Variants in EPB41L2 observed in about 807,000 individuals in gnomAD.
EPB41L2 encodes band 4.1-like protein 2.
In EPB41L2, 43 loss-of-function variants were observed where a neutral mutation model predicts 113.0. The ratio of observed to expected loss-of-function variants is 0.38; its 90% CI spans 0.30 to 0.49. The LOEUF (loss-of-function observed/expected upper bound fraction) is 0.49, where lower values mean the gene tolerates loss of function less well. Among genes scored for constraint, EPB41L2 ranks in the 20% least tolerant of loss-of-function variants. The pLI, the probability that EPB41L2 is intolerant of heterozygous loss-of-function variation, is 0.95. For synonymous variants in EPB41L2, 442 were observed against 436.7 expected (o/e 1.01, Z -0.15); for missense variants, 1,147 against 1,223.4 (o/e 0.94, Z 0.93).
At chr6:130,869,456 C>G (rs1329364318) in intron 15 of EPB41L2, 107 bp downstream of exon 15, 1 of 1,041,836 alleles carries the variant, frequency 9.6e-7, no homozygotes, top group Admixed American at 2.7e-5. Context: ...AAATCAGATT[C>G]TTGTTGAAAA....
At chr6:130,884,908 T>C (rs1038500324) in intron 12 of EPB41L2, among the ~76,000 whole-genome samples, 188 bp downstream of exon 12, 1 of 152,228 alleles carries the variant, frequency 6.6e-6, no homozygotes. Flanking sequence ...ATAACTTACA[T>C]TGAAATATTC....
At chr6:131,026,110 G>T (rs914213030) in intron 1 of EPB41L2, among the ~76,000 whole-genome samples, 1 of 152,206 alleles carries the variant, frequency 6.6e-6, no homozygotes, top group African/African-American at 2.4e-5. Flanking sequence ...TAGGAACTTA[G>T]TCCCTTCTAG....
intron 18 of EPB41L2, among the ~76,000 whole-genome samples, chr6:130,863,164 C>T (rs1782688897): frequency 6.6e-6 from 1 of 152,124 alleles, no homozygotes; most frequent in Admixed American, 6.5e-5. Context: ...CTTGTATTAC[C>T]TCCCCTCCCC....
intron 1 of EPB41L2, among the ~76,000 whole-genome samples, chr6:131,036,444 T>TA (rs1434403407): frequency 1.1e-4 from 16 of 151,790 alleles, no homozygotes; most frequent in East Asian, 5.8e-4. Flanking sequence ...ACGGATGTAA[T>TA]AAAAAAACAG....
chr6:130,889,184 T>C (rs1791994151), intron 11 of EPB41L2, among the ~76,000 whole-genome samples: 1 of 151,704 alleles, frequency 6.6e-6, no homozygotes, highest in Non-Finnish European at 1.5e-5. Flanking sequence ...TATATATATT[T>C]TAGTTCAATC....
Position 130,867,375 on chromosome 6 carries a change from G to A in EPB41L2, c.2730+84C>T, listed in dbSNP as rs2128442651. On this transcript the variant is annotated intron_variant, in intron 16 of 19. Transcript: ENST00000337057. ...AAAGCTACATCAAAGCCAGAAACAT[G>A]TAAACTAAGAGAAGAAAGAATGAAA... is the stretch of plus-strand genomic sequence containing the variant. 15 of 1,532,946 alleles carry A rather than the reference G, an allele frequency of 9.8e-6. No homozygotes were observed. The South Asian group carries it at 1.7e-4, about 18-fold the overall frequency. The allele number at this position is 1,532,946 out of a possible 1,614,324, so 95.0% of individuals were successfully genotyped here.
chr6:131,008,658 CT>C (rs1031740705), intron 1 of EPB41L2, among the ~76,000 whole-genome samples: 1 of 152,252 alleles, frequency 6.6e-6, no homozygotes, highest in African/African-American at 2.4e-5. Context: ...GGGCTGTACC[CT>C]GCAAAGCCAC....
At chr6:130,861,221 C>T (rs1225657061) in intron 18 of EPB41L2, among the ~76,000 whole-genome samples, 2 of 151,886 alleles carry the variant, frequency 1.3e-5, no homozygotes, top group Non-Finnish European at 2.9e-5. Flanking sequence ...TACAGGTGCC[C>T]GCCACTACAC....
intron 18 of EPB41L2, among the ~76,000 whole-genome samples, chr6:130,861,729 G>A (rs1235771556): frequency 5.9e-5 from 9 of 151,918 alleles, no homozygotes; most frequent in South Asian, 2.1e-4. Flanking sequence ...AAAACTAGCC[G>A]GGCGTGGTGG....
At chr6:130,958,983 T>TGATCTCTGGTTGATCC (rs1240094624) in intron 1 of EPB41L2, among the ~76,000 whole-genome samples, 1 of 152,206 alleles carries the variant, frequency 6.6e-6, no homozygotes, top group African/African-American at 2.4e-5. Context: ...TGGGTTGATC[T>TGATCTCTGGTTGATCC]GATCTCTGGT....
chr6:131,055,027 T>C (rs140967054), intron 1 of EPB41L2, among the ~76,000 whole-genome samples: 1 of 152,346 alleles, frequency 6.6e-6, no homozygotes, highest in Non-Finnish European at 1.5e-5. Context: ...CATTCTGCAT[T>C]TATGAAAAAC....
chr6:130,890,532 T>G, intron 10 of EPB41L2, 66 bp from the exon 11 acceptor site: 1 of 1,525,114 alleles, frequency 6.6e-7, no homozygotes, highest in South Asian at 1.3e-5. Context: ...TTTACGGAAT[T>G]TTTTAAAAAA....
intron 6 of EPB41L2, among the ~76,000 whole-genome samples, chr6:130,904,019 G>A (rs1435449223): frequency 6.6e-6 from 1 of 152,158 alleles, no homozygotes; most frequent in African/African-American, 2.4e-5. Flanking sequence ...TTTGGTTCTG[G>A]AGGGAGAAGA....
At chr6:130,931,840 C>G (rs1807000005) in intron 3 of EPB41L2, among the ~76,000 whole-genome samples, 1 of 152,086 alleles carries the variant, frequency 6.6e-6, no homozygotes, top group South Asian at 2.1e-4. Context: ...CAATTCTTAA[C>G]AATACGGAAG....
At chr6:130,860,571 C>T (rs890785722) in intron 18 of EPB41L2, among the ~76,000 whole-genome samples, 25 of 152,250 alleles carry the variant, frequency 1.6e-4, no homozygotes, top group African/African-American at 5.1e-4. Context: ...CTCGCTCTGT[C>T]GCCCAGGCTG....
intron 4 of EPB41L2, 70 bp downstream of exon 4, chr6:130,926,535 T>G (rs1804798108): frequency 8.9e-7 from 1 of 1,122,100 alleles, no homozygotes; most frequent in Non-Finnish European, 1.3e-6. Flanking sequence ...AATTTTAAAC[T>G]GAGATAAACT....
chr6:130,917,138 A>G (rs1347996016), intron 4 of EPB41L2, among the ~76,000 whole-genome samples: 1 of 152,208 alleles, frequency 6.6e-6, no homozygotes, highest in Non-Finnish European at 1.5e-5. Flanking sequence ...ATATGCAACC[A>G]CAGTCATCAA....
rs866556479 is a variant in EPB41L2 at position 130,872,616 on chromosome 6, A to C, written c.2044-2490T>G. On this transcript the variant is annotated intron_variant, in intron 14 of 19. Transcript: ENST00000337057. The stretch of plus-strand genomic sequence containing the variant: ...CAGCAGTGACCTATTGGAAGAAAGG[A>C]AAGGTTACACAAGAAAGAACAACAG... 5 of 1,001,912 alleles carry C rather than the reference A, an allele frequency of 5.0e-6. No homozygotes were observed. In the South Asian group the frequency reaches 6.6e-5, roughly 13 times the overall value. 62.1% of individuals were successfully genotyped at this position (1,001,912 alleles called of 1,614,324 possible). A position where few individuals can be genotyped will look rare whatever the true frequency, so the allele number is the denominator to read the frequency against.
chr6:130,996,921 AG>A (rs1437149128), intron 1 of EPB41L2, among the ~76,000 whole-genome samples: 3 of 152,222 alleles, frequency 2.0e-5, no homozygotes, highest in African/African-American at 7.2e-5. Flanking sequence ...GGAAAAATGT[AG>A]GGTTTTCTCC....
Sources: allele counts gnomAD v4.1 joint callset (sites outside exome capture counted in the v4.1 genomes callset), GRCh38; gene constraint gnomAD v4.1.1; transcripts MANE v1.5; gene names NCBI Gene and HGNC (gene_info 2026-07-23, HGNC 2026-07-21).